Variants in FOXP2 observed in about 807,000 individuals in gnomAD.
FOXP2 encodes the protein forkhead box P2.
FOXP2 carries 12 observed loss-of-function variants against 115.8 expected under a neutral mutation model. The observed-to-expected ratio is 0.10, with a 90% CI of 0.07 to 0.17. The LOEUF (loss-of-function observed/expected upper bound fraction) is 0.17, where lower values mean the gene tolerates loss of function less well. FOXP2 is among the 10% of genes least tolerant of loss of function. The pLI is 1.00. For missense variants in FOXP2, 629 were observed against 843.5 expected, an observed-to-expected ratio of 0.75 and a Z score of 3.15; for synonymous variants, 328 against 297.7, an observed-to-expected ratio of 1.10 and a Z score of -1.05.
intron 10 of FOXP2, 97 bp from the exon 11 acceptor site, chr7:114,657,969 C>A: frequency 7.6e-7 from 1 of 1,318,918 alleles, no homozygotes; most frequent in Non-Finnish European, 1.1e-6. Context: ...AGTGGCAACA[C>A]AGCTGTAGAA....
At chr7:114,350,745 G>C (rs1791465806) in intron 2 of FOXP2, among the ~76,000 whole-genome samples, 1 of 151,954 alleles carries the variant, frequency 6.6e-6, no homozygotes, top group Non-Finnish European at 1.5e-5. Context: ...GTTGATATTG[G>C]TTATTCTGCT....
In FOXP2 at chr7:114,689,993, T is replaced by A; in HGVS notation, c.*67T>A. 6.3e-7 allele frequency: 1 copy of A among 1,588,338 alleles called. No individual in the cohort carries two copies. Among genetic ancestry groups the A allele is most frequent in the Non-Finnish European group, 8.6e-7 (1 of 1,162,320 alleles). On this transcript the variant is annotated 3_prime_UTR_variant, in exon 17 of 17. Coordinates refer to ENST00000350908, the MANE Select transcript of FOXP2 (RefSeq NM_014491.4). ...GACCTTCATAACCACTCCACAACCATGAATATTTGACAAATTTTTACTGTG... is the reference window on the plus strand; with the variant it reads ...GACCTTCATAACCACTCCACAACCAAGAATATTTGACAAATTTTTACTGTG...
intron 2 of FOXP2, among the ~76,000 whole-genome samples, chr7:114,371,157 T>TAC: frequency 6.6e-6 from 1 of 152,304 alleles, no homozygotes; most frequent in East Asian, 1.9e-4. Flanking sequence ...CAGGGCTAAC[T>TAC]ACAGCCTGGT....
chr7:114,637,389 A>G (rs1308292837), intron 6 of FOXP2, among the ~76,000 whole-genome samples: 4 of 152,180 alleles, frequency 2.6e-5, no homozygotes, highest in Admixed American at 1.3e-4. Flanking sequence ...TTTTGGCACT[A>G]CTAGTATATA....
In FOXP2 at chr7:114,692,843, T is replaced by C; in HGVS notation, c.*2917T>C. 2.2e-6 allele frequency: 1 copy of C among 450,802 alleles called. No individual in the cohort carries two copies. Among genetic ancestry groups the C allele is most frequent in the South Asian group, 1.6e-5 (1 of 63,570 alleles). 27.9% of individuals were successfully genotyped at this position (450,802 alleles called of 1,614,324 possible). A position where few individuals can be genotyped will look rare whatever the true frequency, so the allele number is the denominator to read the frequency against. ...CCTGTTTTATTTATCTTTTTTGAGGTAAACTAATTTTTGATACTTTTCATT... is the reference window on the plus strand; with the variant it reads ...CCTGTTTTATTTATCTTTTTTGAGGCAAACTAATTTTTGATACTTTTCATT... On this transcript the variant is annotated 3_prime_UTR_variant, in exon 17 of 17. Transcript: ENST00000350908.
chr7:114,351,328 C>A (rs1261663061), intron 2 of FOXP2, among the ~76,000 whole-genome samples: 1 of 151,862 alleles, frequency 6.6e-6, no homozygotes, highest in African/African-American at 2.4e-5. Flanking sequence ...ATTGTTATAC[C>A]AACTGAAGAC....
chr7:114,491,410 T>A lies in FOXP2; in HGVS notation c.169-43207T>A, dbSNP rs980170956. Among the ~76,000 whole-genome samples, 263 of 152,232 alleles carry A rather than the reference T, an allele frequency of 1.7e-3. 1 individual carries two copies. Among genetic ancestry groups the A allele is most frequent in the Non-Finnish European group, 2.8e-3 (190 of 68,006 alleles). On this transcript the variant is annotated intron_variant, in intron 2 of 16. Coordinates refer to ENST00000350908, the MANE Select transcript of FOXP2 (RefSeq NM_014491.4). Reference sequence around the variant, plus strand: ...CATTGTAGATTCTGGATATTAGCCCTTTGTCAGATGAGTAGATTGCAAAAA... The same window carrying A: ...CATTGTAGATTCTGGATATTAGCCCATTGTCAGATGAGTAGATTGCAAAAA...
At chr7:114,490,171 A>G (rs1236484138) in intron 2 of FOXP2, among the ~76,000 whole-genome samples, 1 of 152,162 alleles carries the variant, frequency 6.6e-6, no homozygotes, top group African/African-American at 2.4e-5. Context: ...AGCAACCAAG[A>G]TGTCTTTCAA....
intron 2 of FOXP2, among the ~76,000 whole-genome samples, chr7:114,491,160 A>G (rs1797032128): frequency 6.6e-6 from 1 of 152,152 alleles, no homozygotes; most frequent in Non-Finnish European, 1.5e-5. Flanking sequence ...CATCCTCTCC[A>G]GCACCTGTTG....
intron 1 of FOXP2, among the ~76,000 whole-genome samples, chr7:114,424,148 T>G (rs1410807263): frequency 1.3e-5 from 2 of 151,488 alleles, no homozygotes; most frequent in African/African-American, 4.8e-5. Context: ...GTAATTGTAA[T>G]AAAGATTTAG....
chr7:114,090,691 ATTCC>A (rs1317862648), intron 1 of FOXP2, among the ~76,000 whole-genome samples: 5 of 151,828 alleles, frequency 3.3e-5, no homozygotes, highest in Admixed American at 3.3e-4. Context: ...GTTTAGTTTT[ATTCC>A]TTCCTTAGGT....
chr7:114,417,371 C>A (rs996686970), intron 1 of FOXP2, among the ~76,000 whole-genome samples: 1 of 151,846 alleles, frequency 6.6e-6, no homozygotes, highest in African/African-American at 2.4e-5. Context: ...AAAATTGTTT[C>A]TAGAACATAT....
chr7:114,313,589 C>CA (rs1797198966), intron 2 of FOXP2, among the ~76,000 whole-genome samples: 1 of 101,696 alleles, frequency 9.8e-6, no homozygotes, highest in Non-Finnish European at 1.8e-5. Flanking sequence ...ACTAAAAATA[C>CA]AAAAAATTAG....
chr7:114,461,908 T>G (rs1178000638), intron 2 of FOXP2, among the ~76,000 whole-genome samples: 4 of 151,970 alleles, frequency 2.6e-5, no homozygotes, highest in Non-Finnish European at 5.9e-5. Flanking sequence ...TAAAAACAGT[T>G]TCTAGCTCAA....
At chr7:114,640,775 T>G (rs780956777) in intron 6 of FOXP2, among the ~76,000 whole-genome samples, 22 of 152,156 alleles carry the variant, frequency 1.4e-4, no homozygotes, top group Non-Finnish European at 1.3e-4. Context: ...ATCTTTATAT[T>G]AGATGTTATA....
intron 1 of FOXP2, among the ~76,000 whole-genome samples, chr7:114,199,017 A>G (rs1483779402): frequency 6.6e-6 from 1 of 152,162 alleles, no homozygotes; most frequent in Non-Finnish European, 1.5e-5. Flanking sequence ...CTTTATTGAA[A>G]AATACTTTGT....
At chr7:114,183,095 A>G (rs1029816573) in intron 1 of FOXP2, among the ~76,000 whole-genome samples, 1 of 152,172 alleles carries the variant, frequency 6.6e-6, no homozygotes, top group Non-Finnish European at 1.5e-5. Flanking sequence ...CTGTATCACA[A>G]AAGTCCAGTC....
intron 2 of FOXP2, among the ~76,000 whole-genome samples, chr7:114,294,863 A>AATAC (rs1334023195): frequency 1.7e-4 from 25 of 150,338 alleles, no homozygotes; most frequent in African/African-American, 4.5e-4. Context: ...TAAATAAATA[A>AATAC]ATACATACAT....
At chr7:114,292,870 C>G (rs554217513) in intron 2 of FOXP2, among the ~76,000 whole-genome samples, 1 of 152,136 alleles carries the variant, frequency 6.6e-6, no homozygotes, top group Non-Finnish European at 1.5e-5. Context: ...TGATTTAGAA[C>G]AGTGGTCTAA....
Sources: gnomAD v4.1 joint callset for allele counts (sites outside exome capture counted in the v4.1 genomes callset) on GRCh38, gnomAD v4.1.1 for gene constraint, MANE v1.5 for transcripts, NCBI Gene and HGNC (gene_info 2026-07-23, HGNC 2026-07-21) for gene names.